The following ZC3H12B variants were observed in gnomAD, a reference collection of about 807,000 sequenced individuals.
The protein encoded by ZC3H12B is probable ribonuclease ZC3H12B.
A neutral mutation model predicts 43.9 loss-of-function variants in ZC3H12B; 7 were observed. The ratio of observed to expected loss-of-function variants is 0.16; its 90% CI spans 0.09 to 0.30. The LOEUF (loss-of-function observed/expected upper bound fraction) is 0.30, where lower values mean the gene tolerates loss of function less well. Ranked by LOEUF, ZC3H12B falls within the 10% of genes least tolerant of loss-of-function variation. The pLI, the probability that ZC3H12B is intolerant of heterozygous loss-of-function variation, is 1.00. For missense variants in ZC3H12B, 475 were observed against 670.2 expected, an observed-to-expected ratio of 0.71 and a Z score of 3.22; for synonymous variants, 222 against 241.7, an observed-to-expected ratio of 0.92 and a Z score of 0.76.
At chrX:65,304,266 T>C in the ZC3H12B span, among the ~76,000 whole-genome samples, 1 of 111,603 alleles carries the variant, frequency 9.0e-6, no homozygotes, top group African/African-American at 3.3e-5. Flanking sequence ...ATGGAGAAAG[T>C]ATAGTTTCTT....
chrX:65,365,369 TTG>T (rs1028659001), upstream of ZC3H12B, among the ~76,000 whole-genome samples: 6 of 111,199 alleles, frequency 5.4e-5, no homozygotes, highest in Non-Finnish European at 1.1e-4. Context: ...TATTTGGGCC[TTG>T]TGTCTTTCAT....
chrX:65,189,437 T>C, the ZC3H12B span, among the ~76,000 whole-genome samples: 1 of 101,273 alleles, frequency 9.9e-6, no homozygotes, highest in African/African-American at 3.8e-5. Context: ...TTCCTATTTC[T>C]CCACATCCTC....
chrX:65,149,424 A>G, the ZC3H12B span, among the ~76,000 whole-genome samples: 1 of 111,889 alleles, frequency 8.9e-6, no homozygotes, highest in South Asian at 3.7e-4. Context: ...AAAATTACAT[A>G]GCAGATAGTT....
At chrX:65,212,428 TTATTATATATTA>T in the ZC3H12B span, among the ~76,000 whole-genome samples, 3 of 52,136 alleles carry the variant, frequency 5.8e-5, no homozygotes, top group African/African-American at 1.9e-4. Context: ...TGTAATATAA[TTATTATATATTA>T]TATTATATAT....
intron 3 of ZC3H12B, among the ~76,000 whole-genome samples, chrX:65,451,562 G>A (rs765075600): frequency 9.0e-6 from 1 of 110,789 alleles, no homozygotes; most frequent in African/African-American, 3.3e-5. Flanking sequence ...GGCTGCTTTT[G>A]AACTCAGCCT....
chrX:65,281,503 G>A, the ZC3H12B span, among the ~76,000 whole-genome samples: 1 of 111,900 alleles, frequency 8.9e-6, no homozygotes, highest in Non-Finnish European at 1.9e-5. Context: ...TAGGACTACA[G>A]GCATGAGCCA....
the ZC3H12B span, among the ~76,000 whole-genome samples, chrX:65,298,642 C>T: frequency 2.7e-5 from 3 of 111,832 alleles, no homozygotes; most frequent in Non-Finnish European, 5.6e-5. Context: ...ACAGAAAAAT[C>T]TGCACTCCTA....
At chrX:65,246,099 G>A in the ZC3H12B span, among the ~76,000 whole-genome samples, 4 of 111,057 alleles carry the variant, frequency 3.6e-5, no homozygotes, top group Admixed American at 2.9e-4. Flanking sequence ...AAAATCACTA[G>A]CATTCCTATA....
At chrX:65,104,712 C>T in the ZC3H12B span, among the ~76,000 whole-genome samples, 1 of 111,794 alleles carries the variant, frequency 8.9e-6, no homozygotes, top group East Asian at 2.8e-4. Flanking sequence ...GAGATACCAT[C>T]TCACACCATT....
chrX:65,346,069 C>T, the ZC3H12B span, among the ~76,000 whole-genome samples: 1 of 111,256 alleles, frequency 9.0e-6, no homozygotes, highest in Non-Finnish European at 1.9e-5. Flanking sequence ...CAGACTCAAA[C>T]TATTCCTATC....
At chrX:65,382,829 A>G (rs1042752250) in intron 2 of ZC3H12B, among the ~76,000 whole-genome samples, 1 of 111,603 alleles carries the variant, frequency 9.0e-6, no homozygotes, top group African/African-American at 3.3e-5. Context: ...AGAGAGCCAA[A>G]TCATGAGTGA....
chrX:65,070,286 A>G, the ZC3H12B span, among the ~76,000 whole-genome samples: 3 of 110,577 alleles, frequency 2.7e-5, no homozygotes, highest in East Asian at 2.8e-4. Flanking sequence ...GTCAGTGGTA[A>G]TGTTCCCTTT....
the ZC3H12B span, among the ~76,000 whole-genome samples, chrX:65,231,650 A>G: frequency 9.0e-6 from 1 of 110,961 alleles, no homozygotes; most frequent in African/African-American, 3.3e-5. Flanking sequence ...CTACTTGCAC[A>G]TCCATCTATA....
chrX:65,090,294 C>A, the ZC3H12B span, among the ~76,000 whole-genome samples: 2 of 111,129 alleles, frequency 1.8e-5, no homozygotes, highest in Non-Finnish European at 3.8e-5. Context: ...TGTATGTGGT[C>A]CATCATTGAC....
the ZC3H12B span, among the ~76,000 whole-genome samples, chrX:65,077,538 C>T: frequency 1.8e-5 from 2 of 111,853 alleles, no homozygotes; most frequent in African/African-American, 6.5e-5. Context: ...GTGGGCAGAT[C>T]AGCTCACCTG....
chrX:65,170,848 C>A, the ZC3H12B span, among the ~76,000 whole-genome samples: 5 of 112,072 alleles, frequency 4.5e-5, no homozygotes, highest in African/African-American at 1.6e-4. Context: ...CTTGTGCATG[C>A]GTCACCTAGT....
At chrX:65,080,429 T>C in the ZC3H12B span, among the ~76,000 whole-genome samples, 6 of 110,899 alleles carry the variant, frequency 5.4e-5, no homozygotes, top group African/African-American at 2.0e-4. Context: ...TCAAGGTATT[T>C]AATAATCAAA....
intron 3 of ZC3H12B, among the ~76,000 whole-genome samples, chrX:65,482,261 C>G (rs1377294190): frequency 9.2e-6 from 1 of 108,800 alleles, no homozygotes; most frequent in African/African-American, 3.4e-5. Context: ...CTAAGGGTCT[C>G]GGGATGGGTA....
chrX:65,276,593 A>C, the ZC3H12B span, among the ~76,000 whole-genome samples: 1 of 111,795 alleles, frequency 8.9e-6, no homozygotes, highest in Admixed American at 9.5e-5. Flanking sequence ...TTTTATTTCC[A>C]GAAAAGCTAT....
Sources: gnomAD v4.1 joint callset for allele counts (sites outside exome capture counted in the v4.1 genomes callset) on GRCh38, gnomAD v4.1.1 for gene constraint, MANE v1.5 for transcripts, NCBI Gene and HGNC (gene_info 2026-07-23, HGNC 2026-07-21) for gene names.